BANP: variants seen among roughly 807,000 people sequenced by gnomAD.
BANP encodes protein BANP.
BANP carries 11 observed loss-of-function variants against 68.1 expected under a neutral mutation model. The ratio of observed to expected loss-of-function variants is 0.16; its 90% CI spans 0.10 to 0.27. The LOEUF is 0.27. Ranked by LOEUF, BANP falls within the 10% of genes least tolerant of loss-of-function variation. The pLI, the probability that BANP is intolerant of heterozygous loss-of-function variation, is 1.00. For synonymous variants in BANP, 329 were observed against 303.2 expected (o/e 1.09, Z -0.88); for missense variants, 504 against 722.7 (o/e 0.70, Z 3.47).
intron 1 of BANP, among the ~76,000 whole-genome samples, chr16:87,968,042 C>A (rs1193536952): frequency 1.3e-5 from 2 of 150,888 alleles, no homozygotes; most frequent in Non-Finnish European, 1.5e-5. Context: ...GCGTGAGCCA[C>A]CACGCCTGGC....
intron 4 of BANP, among the ~76,000 whole-genome samples, chr16:87,993,124 T>C (rs1376926063): frequency 6.6e-6 from 1 of 152,236 alleles, no homozygotes; most frequent in Non-Finnish European, 1.5e-5. Flanking sequence ...GACACGTAGG[T>C]GAAGTCCTTC....
chr16:88,074,628 C>T lies in BANP; in HGVS notation c.1522-1962C>T, dbSNP rs550886197. Among the ~76,000 whole-genome samples, 3 of 152,122 alleles carry T rather than the reference C, an allele frequency of 2.0e-5. No homozygotes were observed. In the East Asian group the frequency reaches 5.8e-4, roughly 30 times the overall value. Reference sequence around the variant, plus strand: ...ACCTGTGCCCCACTGTCCCCACCCACCCAAGTCCCCAGCTGCCTTTCCAGC... The same window carrying T: ...ACCTGTGCCCCACTGTCCCCACCCATCCAAGTCCCCAGCTGCCTTTCCAGC... On this transcript the variant is annotated intron_variant, in intron 13 of 13. Transcript: ENST00000682872.
intron 1 of BANP, among the ~76,000 whole-genome samples, chr16:87,964,486 C>T (rs1050728271): frequency 1.3e-5 from 2 of 152,100 alleles, no homozygotes; most frequent in Non-Finnish European, 2.9e-5. Context: ...GTGGTAGGAC[C>T]CTGAGCTGAG....
At chr16:88,062,919 G>A (rs554394150) in intron 11 of BANP, among the ~76,000 whole-genome samples, 15 of 152,322 alleles carry the variant, frequency 9.8e-5, no homozygotes, top group African/African-American at 3.1e-4. Flanking sequence ...ATCCCAGGGC[G>A]CTCATCTTGG....
At chr16:88,075,281 G>C (rs1359898637) in intron 13 of BANP, among the ~76,000 whole-genome samples, 1 of 152,240 alleles carries the variant, frequency 6.6e-6, no homozygotes, top group Non-Finnish European at 1.5e-5. Flanking sequence ...GGGAGGCGGA[G>C]GTTGCAATGA....
chr16:87,984,404 C>G, intron 4 of BANP, 145 bp downstream of exon 4: 1 of 1,013,516 alleles, frequency 9.9e-7, no homozygotes, highest in Non-Finnish European at 1.4e-6. Context: ...CTAACTAAAG[C>G]TGACTTTTAG....
In BANP at chr16:88,023,792, C is replaced by G. The variant is rs555976670; in HGVS notation, c.896-3691C>G. Among the ~76,000 whole-genome samples the G allele has an allele frequency of 7.2e-5, 11 of 152,306 alleles. 1 individual carries two copies. In the South Asian group the frequency reaches 2.3e-3, roughly 32 times the overall value. On this transcript the variant is annotated intron_variant, in intron 7 of 13. Coordinates refer to ENST00000682872, the MANE Select transcript of BANP (RefSeq NM_001386991.1). ...GGCAGCTAACGGTGTAGTGGAGACT[C>G]TTTAGCTCTTTGGGGACTGCAGAAC...
At chr16:88,001,438 T>C (rs1160582004) in intron 4 of BANP, among the ~76,000 whole-genome samples, 2 of 152,276 alleles carry the variant, frequency 1.3e-5, no homozygotes, top group East Asian at 1.9e-4. Flanking sequence ...GTGTTTTTTG[T>C]CACTTAGTAT....
intron 7 of BANP, among the ~76,000 whole-genome samples, chr16:88,024,626 G>A (rs1476575329): frequency 3.3e-5 from 5 of 152,226 alleles, no homozygotes; most frequent in Admixed American, 2.6e-4. Flanking sequence ...GCCTGCACCC[G>A]TAAGTGCATG....
chr16:88,026,448 C>G (rs2077004995), intron 7 of BANP, among the ~76,000 whole-genome samples: 1 of 152,220 alleles, frequency 6.6e-6, no homozygotes, highest in African/African-American at 2.4e-5. Flanking sequence ...CACTGTGCGC[C>G]AGAATGTTCT....
chr16:88,024,999 A>T (rs1353388530), intron 7 of BANP, among the ~76,000 whole-genome samples: 1 of 152,192 alleles, frequency 6.6e-6, no homozygotes, highest in African/African-American at 2.4e-5. Context: ...GTATGGACTC[A>T]TTCATCCTTC....
At chr16:87,979,103 C>G (rs1399318257) in intron 2 of BANP, among the ~76,000 whole-genome samples, 2 of 152,170 alleles carry the variant, frequency 1.3e-5, no homozygotes, top group African/African-American at 4.8e-5. Flanking sequence ...CAGGACGATT[C>G]AGCATCTTTA....
intron 2 of BANP, chr16:87,978,659 G>A (rs1407989678): frequency 2.1e-6 from 1 of 469,816 alleles, no homozygotes; most frequent in African/African-American, 2.0e-5. Context: ...AGGGACACCC[G>A]CACCTCAGCC....
intron 2 of BANP, among the ~76,000 whole-genome samples, chr16:87,975,710 T>A (rs1422481564): frequency 4.7e-5 from 7 of 149,956 alleles, no homozygotes; most frequent in African/African-American, 1.7e-4. Context: ...TGTAATCCCC[T>A]GTGCGTGGCG....
chr16:88,023,415 T>C (rs562282592), intron 7 of BANP, among the ~76,000 whole-genome samples: 107 of 152,252 alleles, frequency 7.0e-4, no homozygotes, highest in African/African-American at 2.4e-3. Flanking sequence ...GCGTGAGCTG[T>C]GTATGCTTCC....
chr16:87,983,641 C>T (rs1357495931), intron 3 of BANP, among the ~76,000 whole-genome samples: 5 of 151,798 alleles, frequency 3.3e-5, no homozygotes, highest in Non-Finnish European at 5.9e-5. Flanking sequence ...CATTAGGCAG[C>T]GGGCTGTGAG....
intron 3 of BANP, among the ~76,000 whole-genome samples, chr16:87,982,466 C>G (rs12932697): frequency 0.66 from 100,841 of 152,098 alleles, 34,067 homozygotes; most frequent in African/African-American, 0.76. Context: ...AAAATAGCGG[C>G]GTTATCAGTG....
At chr16:88,054,967 C>T (rs2084619830) in intron 11 of BANP, among the ~76,000 whole-genome samples, 1 of 152,156 alleles carries the variant, frequency 6.6e-6, no homozygotes, top group African/African-American at 2.4e-5. Context: ...AAATCTGGGT[C>T]AGTTCTTTCA....
chr16:87,994,397 G>A (rs4843293), intron 4 of BANP, among the ~76,000 whole-genome samples: 50,607 of 152,218 alleles, frequency 0.33, 9,773 homozygotes, highest in Non-Finnish European at 0.46. Context: ...GGAGAGCAGC[G>A]TGAGGAGTTA....
Sources: gnomAD v4.1 joint callset for allele counts (sites outside exome capture counted in the v4.1 genomes callset) on GRCh38, gnomAD v4.1.1 for gene constraint, MANE v1.5 for transcripts, NCBI Gene and HGNC (gene_info 2026-07-23, HGNC 2026-07-21) for gene names.